AFF2: variants seen among roughly 807,000 people sequenced by gnomAD.
AFF2 encodes ALF transcription elongation factor 2, also known as AF4/FMR2 family member 2.
AFF2 carries 14 observed loss-of-function variants against 76.9 expected under a neutral mutation model. The observed-to-expected ratio is 0.18, with a 90% confidence interval of 0.12 to 0.28. The LOEUF (loss-of-function observed/expected upper bound fraction) is 0.28. Among genes scored for constraint, AFF2 ranks in the 10% least tolerant of loss-of-function variants. The pLI, the probability that AFF2 is intolerant of heterozygous loss-of-function variation, is 1.00. For missense variants in AFF2, 868 were observed against 1,001.1 expected, an observed-to-expected ratio of 0.87 and a Z score of 1.79; for synonymous variants, 398 against 366.7, an observed-to-expected ratio of 1.09 and a Z score of -0.98.
At position 148,584,393 on chromosome X, in the gene AFF2, A is replaced by G. The variant is rs182097365; in HGVS notation, c.48-67606A>G. On this transcript the variant is annotated intron_variant, in intron 1 of 20. Transcript: ENST00000370460. ...GGTGGCAGAGTATGTCCAAGGAAAC[A>G]TTAGCATTCAAGAGAGAAAACTAGG... Among the ~76,000 whole-genome samples, 49 of 111,669 alleles carry G rather than the reference A, an allele frequency of 4.4e-4. No homozygotes were observed. The Admixed American group carries it at 4.6e-3, about 10-fold the overall frequency.
chrX:148,901,263 G>A (rs1273718923), intron 8 of AFF2, among the ~76,000 whole-genome samples: 1 of 111,389 alleles, frequency 9.0e-6, no homozygotes, highest in Non-Finnish European at 1.9e-5. Flanking sequence ...CACCATACTG[G>A]AGTACATTCT....
Position 148,684,403 on chromosome X carries a change from T to C in AFF2, c.1041+21635T>C, listed in dbSNP as rs201630807. On this transcript the variant is annotated intron_variant, in intron 3 of 20. Coordinates refer to ENST00000370460, the MANE Select transcript of AFF2 (RefSeq NM_002025.4). Reference sequence around the variant, plus strand: ...TTAAGTTTGTACCTTCAGCTTCAAATTCAGCAAGTTCATGCAATATTATAT... The same window carrying C: ...TTAAGTTTGTACCTTCAGCTTCAAACTCAGCAAGTTCATGCAATATTATAT... Among the ~76,000 whole-genome samples, 31 of 112,304 alleles carry C rather than the reference T, an allele frequency of 2.8e-4. No individual in the cohort carries two copies. In the East Asian group the frequency reaches 2.8e-3, roughly 10 times the overall value.
intron 1 of AFF2, among the ~76,000 whole-genome samples, chrX:148,651,733 A>G (rs1198331388): frequency 5.2e-4 from 2 of 3,861 alleles, no homozygotes; most frequent in African/African-American, 2.0e-3. Context: ...TCAAAAAAGG[A>G]CAAGGGAAGA....
intron 1 of AFF2, among the ~76,000 whole-genome samples, chrX:148,651,678 G>A (rs2054203033): frequency 9.0e-6 from 1 of 111,599 alleles, no homozygotes; most frequent in Admixed American, 9.6e-5. Flanking sequence ...GTACCTTTCT[G>A]CACTGTGGGC....
In AFF2 at chrX:148,956,371, C is replaced by A. The variant is rs782127598; in HGVS notation, c.2326C>A (p.Pro776Thr). The A allele has an allele frequency of 8.3e-7, 1 of 1,209,713 alleles. No individual in the cohort carries two copies. Among genetic ancestry groups the A allele is most frequent in the African/African-American group, 1.8e-5 (1 of 57,067 alleles). Residue 776 changes from proline to threonine, a missense_variant, in exon 11 of 21, where the codon CCA (proline) becomes ACA (threonine). Transcript: ENST00000370460. ...NNNLSISNEE[P>T]TFSPIPVMQT... ...CAACTTATCCATCAGTAATGAAGAGCCAACATTTTCACCTATTCCTGTCAT... is the reference window on the plus strand; with the variant it reads ...CAACTTATCCATCAGTAATGAAGAGACAACATTTTCACCTATTCCTGTCAT...
At chrX:148,952,632 C>G (rs1557286738) in intron 9 of AFF2, among the ~76,000 whole-genome samples, 2 of 111,958 alleles carry the variant, frequency 1.8e-5, no homozygotes, top group East Asian at 5.6e-4. Flanking sequence ...TACCAAGTTG[C>G]AGCTGAGGCT....
intron 3 of AFF2, among the ~76,000 whole-genome samples, chrX:148,690,043 T>G (rs782685542): frequency 8.9e-6 from 1 of 112,099 alleles, no homozygotes; most frequent in East Asian, 2.8e-4. Context: ...ACCAAAAGAC[T>G]CAGGTATTTT....
intron 3 of AFF2, among the ~76,000 whole-genome samples, chrX:148,676,217 G>A (rs1247741596): frequency 2.7e-5 from 3 of 109,257 alleles, no homozygotes; most frequent in Non-Finnish European, 5.7e-5. Flanking sequence ...CCACCACCAC[G>A]CCCGGCTTAT....
chrX:148,686,591 A>G (rs2054604217), intron 3 of AFF2, among the ~76,000 whole-genome samples: 1 of 111,725 alleles, frequency 9.0e-6, no homozygotes, highest in African/African-American at 3.3e-5. Context: ...CTTTCAGTCA[A>G]TTTCCTCAAC....
Position 148,987,520 on chromosome X carries a change from C to T in AFF2, c.3777C>T (p.His1259=), listed in dbSNP as rs938279719. The T allele has an allele frequency of 1.2e-5, 15 of 1,209,953 alleles. 1 individual carries two copies. In the Middle Eastern group the frequency reaches 3.4e-3, roughly 278 times the overall value. ...GCAATGTGTTACGGGGCTATGAACA[C>T]TGGGATATGGCCGACAAACTGACAA... The part of the protein sequence containing the change: ...ITSNVLRGYE[H]WDMADKLTRE... The change falls in exon 20 of 21, where the codon CAC becomes CAT. Residue 1259 remains histidine, a synonymous_variant. Transcript: ENST00000370460.
chrX:148,772,919 G>A (rs1422762490), intron 3 of AFF2, among the ~76,000 whole-genome samples: 2 of 110,806 alleles, frequency 1.8e-5, no homozygotes, highest in Admixed American at 9.7e-5. Context: ...TAGACACAGA[G>A]AGGGGAACAA....
At chrX:148,523,528 C>T (rs2052623292) in intron 1 of AFF2, among the ~76,000 whole-genome samples, 2 of 111,842 alleles carry the variant, frequency 1.8e-5, no homozygotes, top group East Asian at 2.8e-4. Flanking sequence ...AATTATATAC[C>T]GTGTTGTTCA....
intron 3 of AFF2, among the ~76,000 whole-genome samples, chrX:148,765,218 A>G (rs1325516843): frequency 9.1e-6 from 1 of 109,476 alleles, no homozygotes; most frequent in Non-Finnish European, 1.9e-5. Flanking sequence ...TTGTTCTGTT[A>G]CTCTTTTCTT....
chrX:148,566,391 C>T (rs782656515), intron 1 of AFF2, among the ~76,000 whole-genome samples: 49 of 109,100 alleles, frequency 4.5e-4, no homozygotes, highest in Admixed American at 3.6e-3. Context: ...AATATCAAAA[C>T]TGGATGGTCA....
rs147852345 is a variant in AFF2, at chrX:148,956,396, T to G, written c.2351T>G (p.Met784Arg). The part of the protein sequence containing the change: ...EEPTFSPIPV[M>R]QTEILSPLRD... ...CCAACATTTTCACCTATTCCTGTCA[T>G]GCAAACTGAAATCCTGTCCCCTCTG... Residue 784 changes from methionine (M) to arginine (R), a missense_variant, in exon 11 of 21, where the codon ATG becomes AGG. By Grantham distance (91) the Met-to-Arg change is moderately conservative. This residue lies in a region of AFF2 where 532 missense variants were observed against 564.2 expected (regional missense o/e 0.94). Coordinates refer to ENST00000370460, the MANE Select transcript of AFF2 (RefSeq NM_002025.4). 3.2e-4 allele frequency: 383 copies of G among 1,209,697 alleles called. No individual in the cohort carries two copies. Among genetic ancestry groups the G allele is most frequent in the Non-Finnish European group, 4.2e-4 (372 of 895,033 alleles).
At chrX:148,975,451 A>G (rs1243085698) in intron 16 of AFF2, among the ~76,000 whole-genome samples, 2 of 112,088 alleles carry the variant, frequency 1.8e-5, no homozygotes, top group African/African-American at 6.5e-5. Flanking sequence ...TATTTATTAT[A>G]TGATGTTAAA....
chrX:148,819,645 G>A (rs1473722585), intron 4 of AFF2, among the ~76,000 whole-genome samples: 4 of 111,029 alleles, frequency 3.6e-5, no homozygotes, highest in Non-Finnish European at 5.7e-5. Context: ...ATCCTTCTAA[G>A]AGAAAAATTT....
At chrX:148,859,823 T>C (rs1557276250) in intron 7 of AFF2, among the ~76,000 whole-genome samples, 1 of 111,427 alleles carries the variant, frequency 9.0e-6, no homozygotes, top group African/African-American at 3.2e-5. Context: ...ATTAATTGAT[T>C]TATTTTTTTA....
At chrX:148,833,649 G>T (rs9698179) in intron 4 of AFF2, among the ~76,000 whole-genome samples, 131 of 110,172 alleles carry the variant, frequency 1.2e-3, no homozygotes, top group African/African-American at 3.6e-3. Flanking sequence ...CAAATGCAAA[G>T]AATCCACCAA....
Sources: allele counts gnomAD v4.1 joint callset (sites outside exome capture counted in the v4.1 genomes callset), GRCh38; gene constraint gnomAD v4.1.1; regional missense constraint gnomAD v4.1.1; transcripts MANE v1.5; gene names NCBI Gene and HGNC (gene_info 2026-07-23, HGNC 2026-07-21).